Variants in PLEKHH1 observed in about 807,000 individuals in gnomAD.
PLEKHH1 encodes pleckstrin homology, MyTH4 and FERM domain containing H1.
Under a neutral mutation model 160.0 loss-of-function variants are expected in PLEKHH1, and 104 were observed. The observed-to-expected ratio is 0.65, with a 90% CI of 0.55 to 0.76. The LOEUF (loss-of-function observed/expected upper bound fraction) is 0.76. Ranked by LOEUF, PLEKHH1 falls within the 30% of genes least tolerant of loss-of-function variation. The pLI is 0.00. For missense variants in PLEKHH1, 1,427 were observed against 1,724.1 expected, an observed-to-expected ratio of 0.83 and a Z score of 3.05; for synonymous variants, 619 against 678.4, an observed-to-expected ratio of 0.91 and a Z score of 1.36.
At chr14:67,537,180 AC>A (rs2033758245) in intron 1 of PLEKHH1, among the ~76,000 whole-genome samples, 1 of 143,568 alleles carries the variant, frequency 7.0e-6, no homozygotes, top group African/African-American at 2.7e-5. Flanking sequence ...CCCTGTCTTT[AC>A]AAAAAATACA....
At position 67,587,288 on chromosome 14, in the gene PLEKHH1, T is replaced by C. The variant is rs772989237; in HGVS notation, c.*53T>C. 2 of 1,598,942 alleles carry C rather than the reference T, an allele frequency of 1.3e-6. No individual in the cohort carries two copies. Among genetic ancestry groups the C allele is most frequent in the South Asian group, 2.2e-5 (2 of 90,796 alleles). On this transcript the variant is annotated 3_prime_UTR_variant, in exon 29 of 29. Coordinates refer to ENST00000329153, the MANE Select transcript of PLEKHH1 (RefSeq NM_020715.3). ...CCACTAGTGCCTCTGGATTTAGAGA[T>C]ATATATCCTAGGGTATGATACTACT...
Position 67,575,469 on chromosome 14 carries a change from C to G in PLEKHH1, c.2166C>G (p.Asp722Glu), listed in dbSNP as rs768872305. The change falls in exon 15 of 29, where the codon GAC becomes GAG. Residue 722 changes from aspartate (D) to glutamate (E), a missense_variant. Asp to Glu is a conservative substitution (Grantham distance 45). Coordinates refer to ENST00000329153, the MANE Select transcript of PLEKHH1 (RefSeq NM_020715.3). Reference sequence around the variant, plus strand: ...TCTACTACTATCGGAGCCATGAGGACAAGGTACTTCTCAGCCTCCTCACAA... The same window carrying G: ...TCTACTACTATCGGAGCCATGAGGAGAAGGTACTTCTCAGCCTCCTCACAA... ...KIFYYYRSHE[D>E]KRPLGCLPVR... 2 of 1,592,368 alleles carry G rather than the reference C, an allele frequency of 1.3e-6. No individual in the cohort carries two copies. The highest frequency in any genetic ancestry group is 2.3e-5 in the South Asian group (2 of 88,094).
Position 67,547,732 on chromosome 14 carries a change from C to T in PLEKHH1, c.126+5739C>T, listed in dbSNP as rs568157807. Among the ~76,000 whole-genome samples, 23 of 152,314 alleles carry T rather than the reference C, an allele frequency of 1.5e-4. No homozygotes were observed. The East Asian group carries it at 4.4e-3, about 29-fold the overall frequency. On this transcript the variant is annotated intron_variant, in intron 2 of 28. Transcript: ENST00000329153. ...GGGCTGCGGAGGCTTGGAAGAATGC[C>T]CTTCTTCCTACCTTGACACAGTCTA...
chr14:67,586,280 C>A, intron 28 of PLEKHH1, 183 bp downstream of exon 28: 1 of 1,090,788 alleles, frequency 9.2e-7, no homozygotes, highest in Non-Finnish European at 1.4e-6. Flanking sequence ...CAATGTTCAG[C>A]TAGTAGGTAA....
intron 1 of PLEKHH1, among the ~76,000 whole-genome samples, chr14:67,538,085 A>C (rs751631452): frequency 2.0e-5 from 3 of 152,120 alleles, no homozygotes; most frequent in Admixed American, 6.5e-5. Flanking sequence ...CCCTATTTCT[A>C]ATGTGTGATA....
At position 67,547,704 on chromosome 14, in the gene PLEKHH1, T is replaced by C. The variant is rs74493523; in HGVS notation, c.126+5711T>C. 5.6e-3 allele frequency among the ~76,000 whole-genome samples: 859 copies of C among 152,350 alleles called. 3 individuals are homozygous for C. The highest frequency in any genetic ancestry group is 0.014 in the Middle Eastern group (4 of 294). On this transcript the variant is annotated intron_variant, in intron 2 of 28. Transcript: ENST00000329153. ...ATCTCTGCTTAGGATCAGACCTGCC[T>C]GTGGGCTGCGGAGGCTTGGAAGAAT...
Position 67,578,687 on chromosome 14 carries a change from A to T in PLEKHH1, c.2849+56A>T. On this transcript the variant is annotated intron_variant, in intron 20 of 28. Transcript: ENST00000329153. The surrounding 1 kb of genome is among the most constrained non-coding windows in gnomAD (Gnocchi z 5.0). ...TTGAGCACTGCCAACTGCCGCATGA[A>T]TAAGAGGGATGAGAGGAGTCTAGGG... 9.0e-7 allele frequency: 1 copy of T among 1,116,838 alleles called. No homozygotes were observed. The highest frequency in any genetic ancestry group is 1.3e-6 in the Non-Finnish European group (1 of 749,006). The allele number at this position is 1,116,838 out of a possible 1,614,324, so 69.2% of individuals were successfully genotyped here. A position where few individuals can be genotyped will look rare whatever the true frequency, so the allele number is the denominator to read the frequency against.
Position 67,572,307 on chromosome 14 carries a change from G to A in PLEKHH1, c.1728+30G>A, listed in dbSNP as rs1324763791. ...GCCGGGAAACGGGCGGGGGCAGGGT[G>A]GAAGCAGAATGCAGCAGAGGCTGCT... On this transcript the variant is annotated intron_variant, in intron 11 of 28. Coordinates refer to ENST00000329153, the MANE Select transcript of PLEKHH1 (RefSeq NM_020715.3). 12 of 1,560,350 alleles carry A rather than the reference G, an allele frequency of 7.7e-6. No individual in the cohort carries two copies. In the African/African-American group the frequency reaches 9.5e-5, roughly 12 times the overall value.
rs1385562050 is a variant in PLEKHH1 at position 67,576,117 on chromosome 14, T to C, written c.2352+112T>C. On this transcript the variant is annotated intron_variant, in intron 16 of 28. Transcript: ENST00000329153. This position sits in a 1 kb window ranked among gnomAD's most constrained non-coding sequence, Gnocchi z 4.0. ...TTCAAATTTATTTCCTTTTGGACAC[T>C]TTGGCAACTAATATTCTCTGAATGG... 1.2e-6 allele frequency: 1 copy of C among 808,900 alleles called. No homozygotes were observed. Among genetic ancestry groups the C allele is most frequent in the Non-Finnish European group, 2.0e-6 (1 of 508,574 alleles). 50.1% of individuals were successfully genotyped at this position (808,900 alleles called of 1,614,324 possible). A position where few individuals can be genotyped will look rare whatever the true frequency, so the allele number is the denominator to read the frequency against.
In PLEKHH1 at chr14:67,570,196, T is replaced by A. The variant is rs2035305828; in HGVS notation, c.1434+184T>A. 9.6e-6 allele frequency: 3 copies of A among 311,974 alleles called. No individual in the cohort carries two copies. The South Asian group carries it at 3.8e-4, about 40-fold the overall frequency. The allele number at this position is 311,974 out of a possible 1,614,324, so 19.3% of individuals were successfully genotyped here. A position where few individuals can be genotyped will look rare whatever the true frequency, so the allele number is the denominator to read the frequency against. On this transcript the variant is annotated intron_variant, in intron 9 of 28. Transcript: ENST00000329153. ...TAGGTTATTATAAAAATTCCACATT[T>A]ACAAAAATGTGAATCAGTATGAACG...
intron 26 of PLEKHH1, among the ~76,000 whole-genome samples, chr14:67,584,393 C>T (rs1025014324): frequency 6.6e-5 from 10 of 152,220 alleles, no homozygotes; most frequent in African/African-American, 2.4e-4. Flanking sequence ...AATAACAGCC[C>T]TCTCAAGAGT....
Position 67,557,321 on chromosome 14 carries a change from C to G in PLEKHH1, c.242C>G (p.Ser81Cys). Reference protein sequence around the residue: ...VKLSNLKNVDSEGSLHRKYQE... With the variant: ...VKLSNLKNVDCEGSLHRKYQE... ...CTATCCAATCTGAAGAATGTGGACT[C>G]TGAGGGGAGCCTGCACCGGAAATAC... The change falls in exon 4 of 29, where the codon TCT becomes TGT. Residue 81 changes from serine to cysteine, a missense_variant. Ser to Cys is a moderately radical substitution (Grantham distance 112). Transcript: ENST00000329153. 1.2e-6 allele frequency: 2 copies of G among 1,613,706 alleles called. No individual in the cohort carries two copies. The highest frequency in any genetic ancestry group is 1.7e-6 in the Non-Finnish European group (2 of 1,179,612).
In PLEKHH1 at chr14:67,579,305, T is replaced by TTA; in HGVS notation, c.3022_3023dup (p.His1009ThrfsTer19). The stretch of plus-strand genomic sequence containing the variant: ...TCCCCGTGCACTTTACCAACGGGAC[T>TTA]TACCATGTGAGGAGCTGGGCGTGCT... On this transcript the variant is annotated frameshift_variant, in exon 21 of 29. Coordinates refer to ENST00000329153, the MANE Select transcript of PLEKHH1 (RefSeq NM_020715.3). LOFTEE classifies it high-confidence loss of function. 1 of 1,527,902 alleles carries TTA rather than the reference T, an allele frequency of 6.5e-7. No homozygotes were observed. The allele number at this position is 1,527,902 out of a possible 1,614,324, so 94.6% of individuals were successfully genotyped here. A position where few individuals can be genotyped will look rare whatever the true frequency, so the allele number is the denominator to read the frequency against.
intron 7 of PLEKHH1, among the ~76,000 whole-genome samples, chr14:67,568,126 A>T (rs1292268733): frequency 6.6e-6 from 1 of 152,170 alleles, no homozygotes; most frequent in East Asian, 1.9e-4. Context: ...CAGGGGAAAA[A>T]ACGTGCCCTA....
intron 21 of PLEKHH1, 113 bp from the exon 22 acceptor site, chr14:67,579,608 C>T: frequency 9.4e-7 from 1 of 1,068,798 alleles, no homozygotes; most frequent in East Asian, 2.6e-5. Flanking sequence ...TTGCTTTGGC[C>T]TTTTGTATTT....
chr14:67,550,452 G>A (rs55701532), intron 2 of PLEKHH1, among the ~76,000 whole-genome samples: 10,253 of 152,328 alleles, frequency 0.067, 401 homozygotes, highest in Non-Finnish European at 0.094. Context: ...GCCTCCCAAA[G>A]TGTTTGGATT....
At position 67,574,284 on chromosome 14, in the gene PLEKHH1, C is replaced by A. The variant is rs751015963; in HGVS notation, c.1969C>A (p.Pro657Thr). 2 of 1,608,792 alleles carry A rather than the reference C, an allele frequency of 1.2e-6. No individual in the cohort carries two copies. Reference sequence around the variant, plus strand: ...AACCTACTACCTGACGGCCGATTCACCCAGCCTGCTGGAGGAGTGGATCCG... The same window carrying A: ...AACCTACTACCTGACGGCCGATTCAACCAGCCTGCTGGAGGAGTGGATCCG... ...KKTYYLTADS[P>T]SLLEEWIRVL... Residue 657 changes from proline to threonine, a missense_variant, in exon 14 of 29, where the codon CCC becomes ACC. By Grantham distance (38) the Pro-to-Thr change is conservative. Around this residue, in one of 6 missense-constraint regions of PLEKHH1, gnomAD observed 831 missense variants for 929.2 expected, o/e 0.89. Coordinates refer to ENST00000329153, the MANE Select transcript of PLEKHH1 (RefSeq NM_020715.3). The surrounding 1 kb of genome is among the most constrained non-coding windows in gnomAD (Gnocchi z 4.2).
chr14:67,579,352 G>A (rs772929675), intron 21 of PLEKHH1, 41 bp downstream of exon 21: 42 of 1,423,194 alleles, frequency 3.0e-5, no homozygotes, highest in East Asian at 1.8e-4. Flanking sequence ...GTCTTCTCAC[G>A]TCACCATCCA....
At chr14:67,563,147 C>T (rs533078614) in intron 7 of PLEKHH1, among the ~76,000 whole-genome samples, 1 of 152,286 alleles carries the variant, frequency 6.6e-6, no homozygotes, top group South Asian at 2.1e-4. Flanking sequence ...AGCTGGGTGC[C>T]CTGCATACCT....
Sources: allele counts gnomAD v4.1 joint callset (sites outside exome capture counted in the v4.1 genomes callset), GRCh38; gene constraint gnomAD v4.1.1; regional missense constraint gnomAD v4.1.1; non-coding constraint Gnocchi (gnomAD v3.1); transcripts MANE v1.5; gene names NCBI Gene and HGNC (gene_info 2026-07-23, HGNC 2026-07-21).